Variants in TG observed in about 807,000 individuals in gnomAD.
TG encodes the protein thyroid hormones.
A neutral mutation model predicts 324.7 loss-of-function variants in TG; 270 were observed. That is an observed-to-expected ratio of 0.83 (90% CI 0.75 to 0.92). The LOEUF (loss-of-function observed/expected upper bound fraction) is 0.92. Among genes scored for constraint, TG ranks in the 40% least tolerant of loss-of-function variants. The pLI is 0.00. For synonymous variants in TG, 1,401 were observed against 1,327.0 expected (o/e 1.06, Z -1.21); for missense variants, 3,591 against 3,456.4 (o/e 1.04, Z -0.98).
At position 132,898,915 on chromosome 8, in the gene TG, G is replaced by A. The variant is rs1315891238; in HGVS notation, c.3330+5G>A. ...TTCGTCCCAGCCTGCCTAGAAGTAA[G>A]GGTCTGGAAGCACAGGATTGGAGCC... On this transcript the variant is annotated splice_donor_5th_base_variant and intron_variant, in intron 14 of 47. Coordinates refer to ENST00000220616, the MANE Select transcript of TG (RefSeq NM_003235.5). 3 of 1,612,332 alleles carry A rather than the reference G, an allele frequency of 1.9e-6. No individual in the cohort carries two copies. Among genetic ancestry groups the A allele is most frequent in the Admixed American group, 3.3e-5 (2 of 59,918 alleles).
At chr8:132,965,584 C>T (rs1017572463) in intron 29 of TG, among the ~76,000 whole-genome samples, 6 of 152,216 alleles carry the variant, frequency 3.9e-5, no homozygotes, top group African/African-American at 1.4e-4. Context: ...AAGACAGAGC[C>T]CTCCAAGGTT....
intron 35 of TG, chr8:133,003,112 A>G (rs756738266): frequency 1.1e-4 from 105 of 942,578 alleles, no homozygotes; most frequent in Admixed American, 2.4e-4. Flanking sequence ...TTCCAGCTGA[A>G]AGGCTTTTTG....
At chr8:133,056,912 C>A (rs376726895) in intron 41 of TG, among the ~76,000 whole-genome samples, 2 of 152,108 alleles carry the variant, frequency 1.3e-5, no homozygotes, top group African/African-American at 4.8e-5. Context: ...ATTCAGCTGG[C>A]GGCTACCTTC....
intron 35 of TG, chr8:132,989,008 C>A (rs1831969532): frequency 1.8e-6 from 1 of 558,896 alleles, no homozygotes; most frequent in Non-Finnish European, 2.3e-6. Context: ...GGGGAGGCCT[C>A]ACAATCATGG....
chr8:133,026,342 C>A (rs1836072641), intron 40 of TG, among the ~76,000 whole-genome samples: 1 of 152,210 alleles, frequency 6.6e-6, no homozygotes, highest in African/African-American at 2.4e-5. Flanking sequence ...GCCCACTAGA[C>A]AAACGCATGC....
chr8:133,112,568 G>A (rs976116540), intron 43 of TG, among the ~76,000 whole-genome samples: 2 of 151,596 alleles, frequency 1.3e-5, no homozygotes, highest in African/African-American at 4.9e-5. Flanking sequence ...GAGAGAAGGG[G>A]AGAGAAGGGG....
chr8:132,960,431 A>G (rs376809642), intron 27 of TG, among the ~76,000 whole-genome samples: 1 of 152,334 alleles, frequency 6.6e-6, no homozygotes, highest in East Asian at 1.9e-4. Context: ...AGCACTGACC[A>G]TCAGGAAATG....
Position 133,029,896 on chromosome 8 carries a change from G to A in TG, c.7112G>A (p.Arg2371Gln), listed in dbSNP as rs534667194. Residue 2371 changes from arginine to glutamine, a missense_variant, in exon 41 of 48, where the codon CGA (arginine) becomes CAA (glutamine). Coordinates refer to ENST00000220616, the MANE Select transcript of TG (RefSeq NM_003235.5). ...CTGACCTGGGTGCAGACCCACATCCGAGGATTTGGCGGGGACCCTCGGCGC... is the reference window on the plus strand; with the variant it reads ...CTGACCTGGGTGCAGACCCACATCCAAGGATTTGGCGGGGACCCTCGGCGC... ...AALTWVQTHI[R>Q]GFGGDPRRVS... is the part of the protein sequence containing the mutation. 12 of 1,614,230 alleles carry A rather than the reference G, an allele frequency of 7.4e-6. No individual in the cohort carries two copies. The highest frequency in any genetic ancestry group is 1.7e-4 in the Middle Eastern group (1 of 6,060).
intron 41 of TG, among the ~76,000 whole-genome samples, chr8:133,081,945 G>A (rs1283510744): frequency 3.9e-5 from 6 of 152,208 alleles, no homozygotes; most frequent in Non-Finnish European, 8.8e-5. Flanking sequence ...GGAGGAAACA[G>A]GCATCTCATT....
chr8:133,032,451 A>G (rs1255524609), intron 41 of TG, among the ~76,000 whole-genome samples: 2 of 152,066 alleles, frequency 1.3e-5, no homozygotes, highest in Non-Finnish European at 2.9e-5. Flanking sequence ...CAGAAAGCAG[A>G]TTTTTCTTTT....
intron 18 of TG, among the ~76,000 whole-genome samples, chr8:132,911,040 T>C (rs1441188363): frequency 1.3e-5 from 2 of 152,176 alleles, no homozygotes; most frequent in African/African-American, 4.8e-5. Context: ...GGTTCGGAGA[T>C]GTCCTGCTGA....
chr8:133,088,120 G>A (rs1360945098), intron 41 of TG, among the ~76,000 whole-genome samples: 3 of 152,218 alleles, frequency 2.0e-5, no homozygotes, highest in South Asian at 2.1e-4. Context: ...AATGCAGCAC[G>A]GTTGTACATG....
chr8:132,930,128 A>T (rs1359591692), intron 23 of TG, among the ~76,000 whole-genome samples: 1 of 152,204 alleles, frequency 6.6e-6, no homozygotes, highest in African/African-American at 2.4e-5. Context: ...TCTGTTTTGG[A>T]TATCAGCTTT....
intron 47 of TG, among the ~76,000 whole-genome samples, chr8:133,133,891 A>G (rs1852145156): frequency 6.6e-6 from 1 of 152,204 alleles, no homozygotes; most frequent in Admixed American, 6.5e-5. Flanking sequence ...GGAAGAGGGC[A>G]GTGGGGTGAC....
chr8:132,891,083 C>A (rs1230294446), intron 10 of TG, among the ~76,000 whole-genome samples: 1 of 151,978 alleles, frequency 6.6e-6, no homozygotes, highest in African/African-American at 2.4e-5. Context: ...GTGGAAAATG[C>A]GGTGGAGGGC....
chr8:133,002,634 C>A, intron 35 of TG: 1 of 217,862 alleles, frequency 4.6e-6, no homozygotes. Flanking sequence ...GGAATAGGTT[C>A]TAGCAGCTCT....
At chr8:133,018,624 C>G (rs1410930376) in intron 38 of TG, among the ~76,000 whole-genome samples, 1 of 151,812 alleles carries the variant, frequency 6.6e-6, no homozygotes, top group Non-Finnish European at 1.5e-5. Flanking sequence ...CTTTAAATAG[C>G]AAGCATATTG....
chr8:133,009,063 T>C (rs1250730704), intron 35 of TG, among the ~76,000 whole-genome samples: 3 of 152,216 alleles, frequency 2.0e-5, no homozygotes, highest in Non-Finnish European at 2.9e-5. Context: ...CTCCAGGCCC[T>C]GGAATGGTGA....
intron 32 of TG, among the ~76,000 whole-genome samples, chr8:132,969,842 A>T (rs13254863): frequency 2.8e-5 from 4 of 141,576 alleles, no homozygotes; most frequent in Non-Finnish European, 4.5e-5. Context: ...TGAACTCAGG[A>T]GGTGGAGGTT....
Sources: gnomAD v4.1 joint callset for allele counts (sites outside exome capture counted in the v4.1 genomes callset) on GRCh38, gnomAD v4.1.1 for gene constraint, MANE v1.5 for transcripts, NCBI Gene and HGNC (gene_info 2026-07-23, HGNC 2026-07-21) for gene names.